TMEM132D: variants seen among roughly 807,000 people sequenced by gnomAD.
The protein encoded by TMEM132D is mature OL transmembrane protein.
TMEM132D carries 21 observed loss-of-function variants against 62.3 expected under a neutral mutation model. The ratio of observed to expected loss-of-function variants is 0.34; its 90% CI spans 0.24 to 0.49. The LOEUF is 0.49. Among genes scored for constraint, TMEM132D ranks in the 20% least tolerant of loss-of-function variants. The pLI is 0.99. For missense variants in TMEM132D, 1,346 were observed against 1,402.8 expected (o/e 0.96, Z 0.65); for synonymous variants, 621 against 575.6 (o/e 1.08, Z -1.13).
chr12:129,645,750 A>T (rs899441714), intron 2 of TMEM132D, among the ~76,000 whole-genome samples: 1 of 152,184 alleles, frequency 6.6e-6, no homozygotes, highest in Non-Finnish European at 1.5e-5. Context: ...GGCCAAATGC[A>T]CTAAAACCAA....
intron 1 of TMEM132D, among the ~76,000 whole-genome samples, chr12:129,818,603 GTA>G (rs1205587148): frequency 1.9e-4 from 28 of 151,300 alleles, no homozygotes; most frequent in Admixed American, 7.2e-4. Flanking sequence ...TTGTGTGTGT[GTA>G]TATGTGTGTG....
chr12:129,803,188 C>A (rs1377998917), intron 1 of TMEM132D, among the ~76,000 whole-genome samples: 7 of 151,528 alleles, frequency 4.6e-5, no homozygotes, highest in South Asian at 2.1e-4. Flanking sequence ...ACCAAGCGGG[C>A]CTAATAGACA....
intron 4 of TMEM132D, among the ~76,000 whole-genome samples, chr12:129,281,622 C>T (rs1041507576): frequency 7.4e-6 from 1 of 135,492 alleles, no homozygotes; most frequent in Non-Finnish European, 1.7e-5. Context: ...CTTCCTGACG[C>T]CCCCGTAGCA....
rs1022798775 is a variant in TMEM132D, at chr12:129,523,834, A to G, written c.1115+7225T>C. Reference sequence around the variant, plus strand: ...CATCATTCCCCTTGACTGCCAGGCCATATGCTTGAATTACTGCTGCCTCCT... The same window carrying G: ...CATCATTCCCCTTGACTGCCAGGCCGTATGCTTGAATTACTGCTGCCTCCT... On this transcript the variant is annotated intron_variant, in intron 3 of 8. Coordinates refer to ENST00000422113, the MANE Select transcript of TMEM132D (RefSeq NM_133448.3). 2.6e-5 allele frequency among the ~76,000 whole-genome samples: 4 copies of G among 152,174 alleles called. No homozygotes were observed. In the South Asian group the frequency reaches 8.3e-4, roughly 32 times the overall value.
At chr12:129,478,784 C>A (rs1022665645) in intron 3 of TMEM132D, among the ~76,000 whole-genome samples, 1 of 152,148 alleles carries the variant, frequency 6.6e-6, no homozygotes, top group African/African-American at 2.4e-5. Flanking sequence ...CTGCAGGATG[C>A]TGACACCTAA....
intron 4 of TMEM132D, among the ~76,000 whole-genome samples, chr12:129,261,153 G>A (rs1880540637): frequency 1.3e-5 from 2 of 152,064 alleles, no homozygotes; most frequent in Non-Finnish European, 2.9e-5. Flanking sequence ...TTCTAAGTGA[G>A]ATTTTTTTAA....
intron 1 of TMEM132D, among the ~76,000 whole-genome samples, chr12:129,901,870 G>T (rs11060608): frequency 2.2e-5 from 2 of 92,444 alleles, no homozygotes; most frequent in East Asian, 2.4e-4. Flanking sequence ...AACCCCCCCC[G>T]CCCCAAAAAA....
At chr12:129,630,975 C>T (rs1313465167) in intron 2 of TMEM132D, among the ~76,000 whole-genome samples, 7 of 152,088 alleles carry the variant, frequency 4.6e-5, no homozygotes, top group Admixed American at 6.5e-5. Context: ...TCTGTTTCTG[C>T]ATTAAGAAAT....
intron 4 of TMEM132D, among the ~76,000 whole-genome samples, chr12:129,226,990 C>A (rs973422869): frequency 6.6e-6 from 1 of 152,026 alleles, no homozygotes; most frequent in African/African-American, 2.4e-5. Flanking sequence ...TCTTATTTAG[C>A]GTCAAGTTTC....
chr12:129,366,400 G>A (rs1870414176), intron 3 of TMEM132D, among the ~76,000 whole-genome samples: 2 of 152,130 alleles, frequency 1.3e-5, no homozygotes, highest in Non-Finnish European at 2.9e-5. Context: ...GCACCTCCCT[G>A]CTCCCTCTCT....
At chr12:129,792,197 G>T (rs1337816355) in intron 1 of TMEM132D, among the ~76,000 whole-genome samples, 7 of 152,190 alleles carry the variant, frequency 4.6e-5, no homozygotes, top group African/African-American at 1.7e-4. Flanking sequence ...AGCATGCATA[G>T]GTTGCTCTGT....
chr12:129,433,172 C>T (rs61943126), intron 3 of TMEM132D, among the ~76,000 whole-genome samples: 2 of 152,088 alleles, frequency 1.3e-5, no homozygotes, highest in South Asian at 2.1e-4. Context: ...ATGGACTTTA[C>T]GTTGTTTCCA....
intron 2 of TMEM132D, among the ~76,000 whole-genome samples, chr12:129,644,473 G>A (rs112846661): frequency 7.9e-5 from 12 of 152,214 alleles, no homozygotes; most frequent in African/African-American, 2.9e-4. Flanking sequence ...GTGGACTCCT[G>A]GGAAGGCCGT....
chr12:129,209,342 T>C (rs1878955611), intron 5 of TMEM132D, among the ~76,000 whole-genome samples, 178 bp downstream of exon 5: 1 of 152,050 alleles, frequency 6.6e-6, no homozygotes, highest in African/African-American at 2.4e-5. Context: ...TTTCATTCTG[T>C]CCAATATTTG....
chr12:129,388,667 C>G (rs868431739), intron 3 of TMEM132D, among the ~76,000 whole-genome samples: 3 of 116,834 alleles, frequency 2.6e-5, no homozygotes, highest in Admixed American at 8.4e-5. Context: ...AACACTAACA[C>G]CGACACCAAT....
intron 3 of TMEM132D, among the ~76,000 whole-genome samples, chr12:129,411,444 C>A (rs760187368): frequency 2.6e-5 from 4 of 152,228 alleles, no homozygotes; most frequent in Non-Finnish European, 5.9e-5. Flanking sequence ...TCTTGACTCA[C>A]TGCAACCTCC....
At chr12:129,902,759 AT>A (rs1875402454) in intron 1 of TMEM132D, among the ~76,000 whole-genome samples, 1 of 151,916 alleles carries the variant, frequency 6.6e-6, no homozygotes, top group Non-Finnish European at 1.5e-5. Context: ...CCCAGGCTAT[AT>A]TTTTGGCAGC....
At chr12:129,791,711 G>A (rs1427186529) in intron 1 of TMEM132D, among the ~76,000 whole-genome samples, 2 of 152,152 alleles carry the variant, frequency 1.3e-5, no homozygotes, top group Non-Finnish European at 2.9e-5. Context: ...CCAAGGTTAT[G>A]ATTTTTCAAA....
chr12:129,371,339 G>T lies in TMEM132D; in HGVS notation c.1116-33522C>A, dbSNP rs1376592853. ...TGGTGGTGGTGATAACGATGGTGAT[G>T]ATTATAATGATGGTGACAATAATGA... On this transcript the variant is annotated intron_variant, in intron 3 of 8. Transcript: ENST00000422113. The surrounding 1 kb of genome is among the most constrained non-coding windows in gnomAD (Gnocchi z 4.3). 6.6e-6 allele frequency among the ~76,000 whole-genome samples: 1 copy of T among 151,992 alleles called. No individual in the cohort carries two copies. The highest frequency in any genetic ancestry group is 1.5e-5 in the Non-Finnish European group (1 of 67,990).
Sources: allele counts gnomAD v4.1 joint callset (sites outside exome capture counted in the v4.1 genomes callset), GRCh38; gene constraint gnomAD v4.1.1; non-coding constraint Gnocchi (gnomAD v3.1); transcripts MANE v1.5; gene names NCBI Gene and HGNC (gene_info 2026-07-23, HGNC 2026-07-21).